The following GRK5 variants were observed in gnomAD, a reference collection of about 807,000 sequenced individuals.
GRK5 encodes the protein G protein-coupled receptor kinase 5.
In GRK5, 40 loss-of-function variants were observed where a neutral mutation model predicts 78.4. The ratio of observed to expected loss-of-function variants is 0.51; its 90% CI spans 0.40 to 0.66. The LOEUF (loss-of-function observed/expected upper bound fraction) is 0.66. Ranked by LOEUF, GRK5 falls within the 30% of genes least tolerant of loss-of-function variation. GRK5 has a pLI of 0.00. For synonymous variants in GRK5, 289 were observed against 296.8 expected (o/e 0.97, Z 0.27); for missense variants, 598 against 759.9 (o/e 0.79, Z 2.50).
intron 1 of GRK5, among the ~76,000 whole-genome samples, chr10:119,236,208 C>A (rs540936891): frequency 6.6e-6 from 1 of 152,206 alleles, no homozygotes; most frequent in African/African-American, 2.4e-5. Context: ...AACTGACCTA[C>A]ACACTATTTT....
chr10:119,281,520 G>A (rs1203322774), intron 1 of GRK5, among the ~76,000 whole-genome samples: 1 of 152,224 alleles, frequency 6.6e-6, no homozygotes, highest in Non-Finnish European at 1.5e-5. Context: ...CTTGTATGCG[G>A]ATGCTTGTGA....
In GRK5 at chr10:119,430,288, C is replaced by A. The variant is rs1852789058; in HGVS notation, c.534-87C>A. ...GTGGGGCTCCTGGAATTATACCCCA[C>A]CCCAGCTGCTCTCAATGTGCCACTG... On this transcript the variant is annotated intron_variant, in intron 6 of 15. Transcript: ENST00000392870. The surrounding 1 kb of genome is among the most constrained non-coding windows in gnomAD (Gnocchi z 4.5). 8.5e-7 allele frequency: 1 copy of A among 1,171,052 alleles called. No individual in the cohort carries two copies. Among genetic ancestry groups the A allele is most frequent in the Non-Finnish European group, 1.3e-6 (1 of 781,888 alleles). The allele number at this position is 1,171,052 out of a possible 1,614,324, so 72.5% of individuals were successfully genotyped here.
chr10:119,438,253 G>T (rs2133902699), intron 9 of GRK5, among the ~76,000 whole-genome samples: 1 of 152,260 alleles, frequency 6.6e-6, no homozygotes, highest in Admixed American at 6.5e-5. Flanking sequence ...CTTGGGAGAA[G>T]AGTTATTGAG....
At chr10:119,291,986 CCTTCTT>C (rs1273465902) in intron 1 of GRK5, among the ~76,000 whole-genome samples, 1 of 46,516 alleles carries the variant, frequency 2.1e-5, no homozygotes, top group Non-Finnish European at 4.5e-5. Context: ...TCCTCTTCCT[CCTTCTT>C]CTCCTCCTCT....
intron 4 of GRK5, among the ~76,000 whole-genome samples, chr10:119,409,203 A>G (rs17098853): frequency 0.084 from 12,741 of 152,196 alleles, 1,008 homozygotes; most frequent in African/African-American, 0.19. Context: ...TGCGCGGCAT[A>G]TTTCATGACT....
At chr10:119,212,434 T>C (rs561675216) in intron 1 of GRK5, among the ~76,000 whole-genome samples, 1 of 152,208 alleles carries the variant, frequency 6.6e-6, no homozygotes, top group African/African-American at 2.4e-5. Context: ...AAGCTATAAC[T>C]CTTATAGTGG....
At chr10:119,275,508 T>C (rs1382565856) in intron 1 of GRK5, among the ~76,000 whole-genome samples, 1 of 152,192 alleles carries the variant, frequency 6.6e-6, no homozygotes, top group Non-Finnish European at 1.5e-5. Flanking sequence ...CAGTGAACCC[T>C]TTATTTCCTA....
At chr10:119,227,930 C>G (rs1050836819) in intron 1 of GRK5, among the ~76,000 whole-genome samples, 1 of 151,960 alleles carries the variant, frequency 6.6e-6, no homozygotes, top group Non-Finnish European at 1.5e-5. Context: ...ATTGGGTAAC[C>G]CTTGACCTTG....
intron 1 of GRK5, among the ~76,000 whole-genome samples, chr10:119,236,460 C>T (rs1487179828): frequency 6.6e-6 from 1 of 152,102 alleles, no homozygotes; most frequent in Non-Finnish European, 1.5e-5. Flanking sequence ...GTGATCCGCC[C>T]GCCTTGGCCT....
intron 1 of GRK5, among the ~76,000 whole-genome samples, chr10:119,312,133 G>A (rs553116618): frequency 2.2e-4 from 33 of 152,124 alleles, no homozygotes; most frequent in African/African-American, 8.0e-4. Context: ...GGATGGTCTC[G>A]ATCTCCTGAC....
At chr10:119,243,570 T>TTTCTTTC (rs375224690) in intron 1 of GRK5, among the ~76,000 whole-genome samples, 4 of 136,104 alleles carry the variant, frequency 2.9e-5, no homozygotes, top group Admixed American at 1.4e-4. Context: ...GTTTTTCTTT[T>TTTCTTTC]TTTTTTTTTT....
intron 2 of GRK5, among the ~76,000 whole-genome samples, chr10:119,353,741 C>A (rs1485344440): frequency 6.6e-6 from 1 of 152,166 alleles, no homozygotes; most frequent in Non-Finnish European, 1.5e-5. Flanking sequence ...AGCTACCTGA[C>A]AATGTCATTG....
intron 1 of GRK5, among the ~76,000 whole-genome samples, chr10:119,298,484 C>T (rs1176459958): frequency 6.6e-6 from 1 of 152,194 alleles, no homozygotes; most frequent in Non-Finnish European, 1.5e-5. Flanking sequence ...CTCTTGATGC[C>T]ATTGACTCTG....
At chr10:119,286,370 G>C (rs1315023430) in intron 1 of GRK5, among the ~76,000 whole-genome samples, 1 of 152,186 alleles carries the variant, frequency 6.6e-6, no homozygotes, top group Non-Finnish European at 1.5e-5. Flanking sequence ...CTGCCCCCTT[G>C]TTTGGGAAAA....
At chr10:119,422,586 C>G (rs1332031561) in intron 4 of GRK5, among the ~76,000 whole-genome samples, 1 of 152,226 alleles carries the variant, frequency 6.6e-6, no homozygotes, top group African/African-American at 2.4e-5. Flanking sequence ...CTCCTCCCTC[C>G]TGAGCCTTCC....
At chr10:119,296,598 G>A (rs1469625226) in intron 1 of GRK5, among the ~76,000 whole-genome samples, 1 of 152,230 alleles carries the variant, frequency 6.6e-6, no homozygotes, top group East Asian at 1.9e-4. Context: ...GAAGGCTGCT[G>A]TGGAGGACGT....
At chr10:119,382,695 G>A (rs1851732656) in intron 3 of GRK5, among the ~76,000 whole-genome samples, 1 of 152,118 alleles carries the variant, frequency 6.6e-6, no homozygotes, top group South Asian at 2.1e-4. Context: ...TCAAATGTTA[G>A]TATTCAGATT....
chr10:119,319,118 AC>A (rs1431349684), intron 1 of GRK5, among the ~76,000 whole-genome samples: 3 of 151,408 alleles, frequency 2.0e-5, no homozygotes, highest in African/African-American at 7.3e-5. Context: ...TTTGTTGGCC[AC>A]TCTCCTTCCT....
chr10:119,268,828 C>T (rs1849542094), intron 1 of GRK5, among the ~76,000 whole-genome samples: 1 of 152,200 alleles, frequency 6.6e-6, no homozygotes, highest in African/African-American at 2.4e-5. Flanking sequence ...CTACCCTGGC[C>T]CTGTCTCCAG....
Sources: gnomAD v4.1 joint callset for allele counts (sites outside exome capture counted in the v4.1 genomes callset) on GRCh38, gnomAD v4.1.1 for gene constraint, Gnocchi (gnomAD v3.1) non-coding constraint, MANE v1.5 for transcripts, NCBI Gene and HGNC (gene_info 2026-07-23, HGNC 2026-07-21) for gene names.